The following BACH2 variants were observed in gnomAD, a reference collection of about 807,000 sequenced individuals.
BACH2 encodes transcription regulator protein BACH2.
A neutral mutation model predicts 61.8 loss-of-function variants in BACH2; 5 were observed. The observed-to-expected ratio is 0.08, with a 90% CI of 0.04 to 0.17. BACH2 has a LOEUF of 0.17. BACH2 is among the 10% of genes least tolerant of loss of function. BACH2 has a pLI of 1.00. For missense variants in BACH2, 824 were observed against 1,091.1 expected (o/e 0.76, Z 3.45); for synonymous variants, 446 against 440.1 (o/e 1.01, Z -0.17).
At chr6:90,165,684 A>G (rs1767585481) in intron 4 of BACH2, among the ~76,000 whole-genome samples, 1 of 152,232 alleles carries the variant, frequency 6.6e-6, no homozygotes, top group Non-Finnish European at 1.5e-5. Context: ...TAACCAAAAC[A>G]GCATGGTACT....
At chr6:90,296,435 A>G (rs1040908218) in intron 1 of BACH2, 45 bp downstream of exon 1, 1 of 145,356 alleles carries the variant, frequency 6.9e-6, no homozygotes, top group African/African-American at 2.5e-5. Context: ...TTGCCCCGCC[A>G]CCCCGCCCAG....
intron 4 of BACH2, among the ~76,000 whole-genome samples, chr6:90,141,306 G>A (rs147365587): frequency 1.1e-3 from 173 of 152,186 alleles, no homozygotes; most frequent in African/African-American, 4.0e-3. Context: ...TCAGCCTCCT[G>A]AGTAGCTGGG....
chr6:90,001,952 T>G (rs1429806390), intron 6 of BACH2, among the ~76,000 whole-genome samples: 1 of 152,244 alleles, frequency 6.6e-6, no homozygotes, highest in Non-Finnish European at 1.5e-5. Context: ...CTCTGTTCCC[T>G]TTCACTCAAA....
intron 4 of BACH2, among the ~76,000 whole-genome samples, chr6:90,168,625 G>A (rs1166502308): frequency 1.3e-5 from 2 of 151,820 alleles, no homozygotes; most frequent in African/African-American, 2.4e-5. Flanking sequence ...ATGCCTCCAG[G>A]CCCAAACAAA....
intron 4 of BACH2, among the ~76,000 whole-genome samples, chr6:90,098,481 A>T (rs1001911337): frequency 6.6e-6 from 1 of 152,234 alleles, no homozygotes; most frequent in Admixed American, 6.5e-5. Context: ...TCACACAGCC[A>T]GAAAATTAGC....
chr6:90,097,226 C>T (rs968342074), intron 4 of BACH2, among the ~76,000 whole-genome samples: 48 of 152,244 alleles, frequency 3.2e-4, no homozygotes, highest in African/African-American at 1.2e-3. Context: ...CATGGGAAGC[C>T]CGTGGACTAC....
chr6:90,100,728 G>GACACACAC (rs367693277), intron 4 of BACH2, among the ~76,000 whole-genome samples: 42 of 142,270 alleles, frequency 3.0e-4, no homozygotes, highest in Non-Finnish European at 3.4e-4. Context: ...CACACACACA[G>GACACACAC]ACACACACAC....
Position 89,956,579 on chromosome 6 carries a change from T to C in BACH2, c.244-4717A>G, listed in dbSNP as rs571476680. Among the ~76,000 whole-genome samples, 9 of 152,296 alleles carry C rather than the reference T, an allele frequency of 5.9e-5. No individual in the cohort carries two copies. The South Asian group carries it at 1.7e-3, about 28-fold the overall frequency. On this transcript the variant is annotated intron_variant, in intron 6 of 8. Transcript: ENST00000257749. ...TGAAAACTCAATTTGTAGAGAAAGT[T>C]TGGGCACTGTTTGCAAAGCTGGGGA... is the stretch of plus-strand genomic sequence containing the variant.
At chr6:90,248,956 T>C (rs1770719423) in intron 3 of BACH2, among the ~76,000 whole-genome samples, 2 of 152,044 alleles carry the variant, frequency 1.3e-5, no homozygotes, top group African/African-American at 4.8e-5. Flanking sequence ...AAAGAAGGAG[T>C]TAAAAATTTG....
chr6:89,989,453 A>T (rs1368892140), intron 6 of BACH2, among the ~76,000 whole-genome samples: 1 of 152,174 alleles, frequency 6.6e-6, no homozygotes, highest in Non-Finnish European at 1.5e-5. Flanking sequence ...AAATAAACCC[A>T]GGGAGGTGGG....
chr6:90,193,037 C>T (rs1768629116), intron 4 of BACH2, among the ~76,000 whole-genome samples: 1 of 152,242 alleles, frequency 6.6e-6, no homozygotes, highest in Non-Finnish European at 1.5e-5. Flanking sequence ...CAGCACGGGA[C>T]TACATTTCCC....
At chr6:90,015,748 G>A (rs765222241) in intron 5 of BACH2, among the ~76,000 whole-genome samples, 3 of 152,116 alleles carry the variant, frequency 2.0e-5, no homozygotes, top group African/African-American at 4.8e-5. Flanking sequence ...GTTGTTGGCT[G>A]GAATGTCCTG....
At chr6:89,995,889 A>G (rs1776819854) in intron 6 of BACH2, among the ~76,000 whole-genome samples, 1 of 152,212 alleles carries the variant, frequency 6.6e-6, no homozygotes, top group South Asian at 2.1e-4. Context: ...CCTCAGTCTG[A>G]TAAACTGTTG....
intron 1 of BACH2, among the ~76,000 whole-genome samples, chr6:90,295,472 A>G (rs1772315785): frequency 6.6e-6 from 1 of 152,056 alleles, no homozygotes; most frequent in African/African-American, 2.4e-5. Context: ...GTGGGCACCT[A>G]GGGTAGCCCG....
chr6:90,006,471 A>G (rs988534866), intron 6 of BACH2, among the ~76,000 whole-genome samples: 4 of 152,174 alleles, frequency 2.6e-5, no homozygotes, highest in Non-Finnish European at 5.9e-5. Flanking sequence ...TATGTCATTT[A>G]GCTGATCTGT....
intron 4 of BACH2, among the ~76,000 whole-genome samples, chr6:90,160,555 A>G (rs539400436): frequency 4.5e-4 from 69 of 152,232 alleles, no homozygotes; most frequent in Non-Finnish European, 4.0e-4. Flanking sequence ...AGCAGAGTAG[A>G]CTCAAGCTAA....
At chr6:89,962,106 T>C (rs926488460) in intron 6 of BACH2, among the ~76,000 whole-genome samples, 1 of 149,558 alleles carries the variant, frequency 6.7e-6, no homozygotes, top group Admixed American at 6.6e-5. Flanking sequence ...ATTTCTGATC[T>C]CTAGTCTTTT....
intron 6 of BACH2, among the ~76,000 whole-genome samples, chr6:90,004,854 A>G (rs1328062641): frequency 6.6e-6 from 1 of 152,194 alleles, no homozygotes; most frequent in African/African-American, 2.4e-5. Context: ...CTGCTTTATT[A>G]TGTAATGAAA....
intron 4 of BACH2, among the ~76,000 whole-genome samples, chr6:90,158,146 G>T (rs565837908): frequency 6.6e-6 from 1 of 152,216 alleles, no homozygotes; most frequent in East Asian, 1.9e-4. Flanking sequence ...ACTGTCCCCA[G>T]ATGGAAGACA....
Sources: gnomAD v4.1 joint callset for allele counts (sites outside exome capture counted in the v4.1 genomes callset) on GRCh38, gnomAD v4.1.1 for gene constraint, MANE v1.5 for transcripts, NCBI Gene and HGNC (gene_info 2026-07-23, HGNC 2026-07-21) for gene names.